The following ALKBH8 variants were observed in gnomAD, a reference collection of about 807,000 sequenced individuals.
The protein encoded by ALKBH8 is alkB homolog 8, tRNA methyltransferase.
ALKBH8 carries 36 observed loss-of-function variants against 59.8 expected under a neutral mutation model. That is an observed-to-expected ratio of 0.60 (90% CI 0.46 to 0.79). The LOEUF (loss-of-function observed/expected upper bound fraction) is 0.79, where lower values mean the gene tolerates loss of function less well. Ranked by LOEUF, ALKBH8 falls within the 30% of genes least tolerant of loss-of-function variation. The pLI is 0.00. For synonymous variants in ALKBH8, 276 were observed against 273.6 expected (o/e 1.01, Z -0.09); for missense variants, 768 against 801.0 (o/e 0.96, Z 0.50).
At chr11:107,528,099 G>A (rs962520246) in intron 8 of ALKBH8, among the ~76,000 whole-genome samples, 4 of 151,858 alleles carry the variant, frequency 2.6e-5, no homozygotes, top group East Asian at 1.9e-4. Context: ...TTCCTTTAAC[G>A]TGATGAATTA....
At chr11:107,540,761 T>C (rs927620939) in intron 7 of ALKBH8, among the ~76,000 whole-genome samples, 5 of 152,170 alleles carry the variant, frequency 3.3e-5, no homozygotes, top group African/African-American at 1.2e-4. Context: ...TCGATAAAAT[T>C]AAGTTTTACT....
At position 107,522,499 on chromosome 11, in the gene ALKBH8, T is replaced by A. The variant is rs1476368298; in HGVS notation, c.1087A>T (p.Ser363Cys). 2 of 1,551,558 alleles carry A rather than the reference T, an allele frequency of 1.3e-6. No individual in the cohort carries two copies. The highest frequency in any genetic ancestry group is 4.9e-5 in the East Asian group (2 of 40,918). ...RKETPPSFPESDKEASRLEQE... is the reference protein window; with the variant it reads ...RKETPPSFPECDKEASRLEQE... ...TCCAGCCGTGAGGCTTCTTTATCAC[T>A]CTCTGGAAATGAGGGGGGAGTCTCT... is the stretch of plus-strand genomic sequence containing the variant. Residue 363 changes from serine (S) to cysteine (C), a missense_variant, in exon 10 of 12, where the codon AGT (serine) becomes TGT (cysteine). Physicochemically the swap from Ser to Cys is moderately radical, Grantham distance 112. Coordinates refer to ENST00000428149, the MANE Select transcript of ALKBH8 (RefSeq NM_138775.3).
chr11:107,558,940 T>C (rs561373371), intron 2 of ALKBH8, among the ~76,000 whole-genome samples: 131 of 152,318 alleles, frequency 8.6e-4, no homozygotes, highest in African/African-American at 3.0e-3. Flanking sequence ...GTTTGGCGTG[T>C]CCCCACCCAA....
intron 11 of ALKBH8, among the ~76,000 whole-genome samples, chr11:107,509,045 CAT>C (rs1380970654): frequency 1.3e-5 from 2 of 152,198 alleles, no homozygotes; most frequent in Admixed American, 6.5e-5. Context: ...ATTGCTGAAT[CAT>C]GTGGTAATTC....
At position 107,509,500 on chromosome 11, in the gene ALKBH8, T is replaced by A. The variant is rs193070469; in HGVS notation, c.1437+1387A>T. Among the ~76,000 whole-genome samples the A allele has an allele frequency of 9.8e-5, 15 of 152,304 alleles. No homozygotes were observed. The East Asian group carries it at 2.5e-3, about 25-fold the overall frequency. On this transcript the variant is annotated intron_variant, in intron 11 of 11. Transcript: ENST00000428149. ...TTGTTTGATGTACAAGTTTTTAATT[T>A]TGATGGTCTAATTTATCTATTTTTT... is the stretch of plus-strand genomic sequence containing the variant.
Position 107,505,180 on chromosome 11 carries a change from T to C in ALKBH8, c.1473A>G (p.Arg491=). The change falls in exon 12 of 12, where the codon CGA becomes CGG. Residue 491 remains arginine (R), a synonymous_variant. Transcript: ENST00000428149. ...GTGCCTTCCCACCTGGTCTCAGGAG[T>C]CGAACAATTTCTTGGAGAGCTGCCA... ...RRVAALQEIV[R]LLRPGGKALI... is the part of the protein sequence containing the mutation. 6.5e-7 allele frequency: 1 copy of C among 1,547,868 alleles called. No homozygotes were observed.
chr11:107,510,900 T>C lies in ALKBH8; in HGVS notation c.1424A>G (p.His475Arg), dbSNP rs1362524535. Reference sequence around the variant, plus strand: ...GACCATACTTACTGCTGTTGCAAAATGATGAATAACAGCAATGGAGATGCA... The same window carrying C: ...GACCATACTTACTGCTGTTGCAAAACGATGAATAACAGCAATGGAGATGCA... The part of the protein sequence containing the change: ...DACISIAVIH[H>R]FATAERRVAA... The change falls in exon 11 of 12, where the codon CAT becomes CGT. Residue 475 changes from histidine to arginine, a missense_variant. Transcript: ENST00000428149. The C allele has an allele frequency of 5.2e-6, 8 of 1,551,244 alleles. No homozygotes were observed. The East Asian group carries it at 7.3e-5, about 14-fold the overall frequency.
chr11:107,509,118 T>G (rs1862516245), intron 11 of ALKBH8, among the ~76,000 whole-genome samples: 1 of 152,220 alleles, frequency 6.6e-6, no homozygotes, highest in Admixed American at 6.5e-5. Context: ...CCATTTTACA[T>G]TCCCACCAGC....
At position 107,555,187 on chromosome 11, in the gene ALKBH8, G is replaced by A. The variant is rs12275976; in HGVS notation, c.368-1209C>T. On this transcript the variant is annotated intron_variant, in intron 3 of 11. Coordinates refer to ENST00000428149, the MANE Select transcript of ALKBH8 (RefSeq NM_138775.3). ...AGGAAGGAGAATGGTGTGAACCCGG[G>A]AGGTGGAGCTTGCAGTGAGCTGAGA... is the stretch of plus-strand genomic sequence containing the variant. Among the ~76,000 whole-genome samples the A allele has an allele frequency of 4.9e-4, 74 of 152,254 alleles. 1 individual carries two copies. Among genetic ancestry groups the A allele is most frequent in the African/African-American group, 1.7e-3 (72 of 41,536 alleles).
Position 107,552,277 on chromosome 11 carries a change from T to TA in ALKBH8, c.596-366dup, listed in dbSNP as rs1007316826. ...TTTAATTATTTTAAATTATTTCCCT[T>TA]AAAAAAAACACATCTTCCAAAGTGG... On this transcript the variant is annotated intron_variant, in intron 5 of 11. Coordinates refer to ENST00000428149, the MANE Select transcript of ALKBH8 (RefSeq NM_138775.3). 1.3e-3 allele frequency among the ~76,000 whole-genome samples: 200 copies of TA among 151,610 alleles called. 1 individual carries two copies. Among genetic ancestry groups the TA allele is most frequent in the African/African-American group, 4.5e-3 (187 of 41,418 alleles).
intron 10 of ALKBH8, among the ~76,000 whole-genome samples, chr11:107,511,796 G>A (rs966869918): frequency 1.3e-5 from 2 of 151,660 alleles, no homozygotes; most frequent in Non-Finnish European, 2.9e-5. Flanking sequence ...GGCTGGTCTC[G>A]AACTCCCATC....
At position 107,522,455 on chromosome 11, in the gene ALKBH8, C is replaced by G. The variant is rs749242418; in HGVS notation, c.1131G>C (p.Gln377His). Residue 377 changes from glutamine (Q) to histidine (H), a missense_variant, in exon 10 of 12, where the codon CAG (glutamine) becomes CAC (histidine). Transcript: ENST00000428149. ...AGTGCCCAGCAATCTCTTCATAAAC[C>G]TGATGGACGTACTCTTGCTCCAGCC... ...ASRLEQEYVH[Q>H]VYEEIAGHFS... 1.9e-6 allele frequency: 3 copies of G among 1,551,646 alleles called. No homozygotes were observed. Among genetic ancestry groups the G allele is most frequent in the Admixed American group, 3.9e-5 (2 of 50,978 alleles).
At chr11:107,528,353 T>C (rs1224794709) in intron 8 of ALKBH8, among the ~76,000 whole-genome samples, 1 of 151,164 alleles carries the variant, frequency 6.6e-6, no homozygotes, top group African/African-American at 2.4e-5. Context: ...TTTTTTATTA[T>C]TATGATTATT....
chr11:107,517,244 T>TA (rs1862900073), intron 10 of ALKBH8, among the ~76,000 whole-genome samples: 1 of 152,150 alleles, frequency 6.6e-6, no homozygotes, highest in African/African-American at 2.4e-5. Context: ...ATCTGGCCAT[T>TA]ATCAAAGAGA....
At chr11:107,519,745 T>G (rs1451552726) in intron 10 of ALKBH8, among the ~76,000 whole-genome samples, 1 of 152,188 alleles carries the variant, frequency 6.6e-6, no homozygotes, top group African/African-American at 2.4e-5. Context: ...TTTTGTAGCA[T>G]TCGAGATTTC....
intron 6 of ALKBH8, among the ~76,000 whole-genome samples, chr11:107,550,789 G>GCT (rs1387905352): frequency 6.6e-6 from 1 of 151,896 alleles, no homozygotes; most frequent in African/African-American, 2.4e-5. Context: ...GTGGAAGCTC[G>GCT]CTCTCTCTCC....
intron 6 of ALKBH8, 103 bp downstream of exon 6, chr11:107,551,705 A>AAT (rs1555050254): frequency 1.3e-3 from 387 of 305,730 alleles, no homozygotes; most frequent in Middle Eastern, 2.6e-3. Context: ...AAAAAAAAAA[A>AAT]AATAATAATA....
At chr11:107,542,337 T>A (rs563107775) in intron 7 of ALKBH8, among the ~76,000 whole-genome samples, 2 of 151,896 alleles carry the variant, frequency 1.3e-5, no homozygotes, top group Non-Finnish European at 2.9e-5. Context: ...TAAACAAAAG[T>A]CACCCTCAAA....
chr11:107,565,368 C>A, intron 1 of ALKBH8: 1 of 596,952 alleles, frequency 1.7e-6, no homozygotes, highest in Non-Finnish European at 3.0e-6. Flanking sequence ...TTGACACAGG[C>A]ACCACGTGAG....
Sources: gnomAD v4.1 joint callset for allele counts (sites outside exome capture counted in the v4.1 genomes callset) on GRCh38, gnomAD v4.1.1 for gene constraint, MANE v1.5 for transcripts, NCBI Gene and HGNC (gene_info 2026-07-23, HGNC 2026-07-21) for gene names.